ARHGEF3: variants seen among roughly 807,000 people sequenced by gnomAD.
ARHGEF3 encodes the protein Rho guanine nucleotide exchange factor 3.
ARHGEF3 carries 28 observed loss-of-function variants against 63.2 expected under a neutral mutation model. The ratio of observed to expected loss-of-function variants is 0.44; its 90% confidence interval spans 0.33 to 0.61. The LOEUF (loss-of-function observed/expected upper bound fraction) is 0.61. Ranked by LOEUF, ARHGEF3 falls within the 20% of genes least tolerant of loss-of-function variation. ARHGEF3 has a pLI of 0.03. For synonymous variants in ARHGEF3, 266 were observed against 254.2 expected, an observed-to-expected ratio of 1.05 and a Z score of -0.44; for missense variants, 533 against 659.3, an observed-to-expected ratio of 0.81 and a Z score of 2.10.
chr3:56,915,592 C>T (rs538781568), intron 3 of ARHGEF3, among the ~76,000 whole-genome samples: 1 of 152,304 alleles, frequency 6.6e-6, no homozygotes, highest in Non-Finnish European at 1.5e-5. Context: ...CCTAACCATT[C>T]TTCAACCCAT....
intron 4 of ARHGEF3, among the ~76,000 whole-genome samples, chr3:56,851,514 A>G (rs548004911): frequency 6.6e-6 from 1 of 152,246 alleles, no homozygotes; most frequent in Non-Finnish European, 1.5e-5. Context: ...CAGCCTCCCA[A>G]GTAGCTGGGA....
At position 56,920,622 on chromosome 3, in the gene ARHGEF3, A is replaced by T. The variant is rs543188880; in HGVS notation, c.129+38201T>A. 2.0e-5 allele frequency among the ~76,000 whole-genome samples: 3 copies of T among 152,294 alleles called. No homozygotes were observed. In the South Asian group the frequency reaches 6.2e-4, roughly 32 times the overall value. The stretch of plus-strand genomic sequence containing the variant: ...ATCCTGGTTCCTTAATGTCTTTCTT[A>T]TTTGTACTTAACAAGCCAGAAATGT... On this transcript the variant is annotated intron_variant, in intron 3 of 12. Transcript: ENST00000338458.
In ARHGEF3 at chr3:57,011,231, C is replaced by G. The variant is rs141153395; in HGVS notation, c.62+23857G>C. ...TTGGCACAAGGAGGCAAAGTTAAACCGCCTGGAACTTACAGGAACATGATG... is the reference window on the plus strand; with the variant it reads ...TTGGCACAAGGAGGCAAAGTTAAACGGCCTGGAACTTACAGGAACATGATG... On this transcript the variant is annotated intron_variant, in intron 2 of 12. Transcript: ENST00000338458. 2.3e-4 allele frequency among the ~76,000 whole-genome samples: 35 copies of G among 152,228 alleles called. No individual in the cohort carries two copies. The East Asian group carries it at 6.4e-3, about 28-fold the overall frequency.
chr3:56,821,962 C>CGAGAAGAGAAGAGAAGAGAA (rs11278622), intron 4 of ARHGEF3, among the ~76,000 whole-genome samples: 2,111 of 118,866 alleles, frequency 0.018, 34 homozygotes, highest in Admixed American at 0.027. Flanking sequence ...GACTCTGTCT[C>CGAGAAGAGAAGAGAAGAGAA]GAGAAGAGAA....
intron 3 of ARHGEF3, among the ~76,000 whole-genome samples, chr3:56,904,532 C>A (rs1261360230): frequency 2.0e-5 from 3 of 151,972 alleles, no homozygotes; most frequent in Non-Finnish European, 4.4e-5. Flanking sequence ...ATCTAATTAC[C>A]ATATTTTAAT....
chr3:56,905,832 A>G (rs2041667252), intron 3 of ARHGEF3, among the ~76,000 whole-genome samples: 1 of 152,220 alleles, frequency 6.6e-6, no homozygotes, highest in Admixed American at 6.5e-5. Context: ...GTGCTGTCCA[A>G]TACGGGAGCC....
chr3:56,882,085 CAACTT>C (rs2040785112), intron 4 of ARHGEF3, among the ~76,000 whole-genome samples: 1 of 152,206 alleles, frequency 6.6e-6, no homozygotes, highest in South Asian at 2.1e-4. Flanking sequence ...AGGCAATAAA[CAACTT>C]AGCTTGGAAG....
intron 1 of ARHGEF3, among the ~76,000 whole-genome samples, chr3:57,065,485 T>C (rs1332618066): frequency 6.6e-6 from 1 of 151,960 alleles, no homozygotes; most frequent in Non-Finnish European, 1.5e-5. Context: ...AGAAATTACT[T>C]GCAAAAGAAA....
intron 4 of ARHGEF3, among the ~76,000 whole-genome samples, chr3:56,864,396 C>A (rs1257951382): frequency 6.6e-6 from 1 of 152,226 alleles, no homozygotes; most frequent in African/African-American, 2.4e-5. Context: ...CTGGTTAACA[C>A]CTTACCTTCT....
intron 2 of ARHGEF3, among the ~76,000 whole-genome samples, chr3:56,995,733 T>A (rs927011186): frequency 8.1e-5 from 12 of 148,164 alleles, no homozygotes; most frequent in African/African-American, 3.0e-4. Flanking sequence ...AAAATGTAAG[T>A]TGAATAGAGA....
intron 2 of ARHGEF3, among the ~76,000 whole-genome samples, chr3:57,033,730 C>CTATT (rs1378755381): frequency 6.6e-6 from 1 of 151,994 alleles, no homozygotes; most frequent in Admixed American, 6.6e-5. Flanking sequence ...CAAGGAAAAT[C>CTATT]TATTTATTTA....
intron 4 of ARHGEF3, among the ~76,000 whole-genome samples, chr3:56,876,905 C>T (rs1283619763): frequency 6.6e-6 from 1 of 152,170 alleles, no homozygotes; most frequent in Non-Finnish European, 1.5e-5. Flanking sequence ...AGTAAATGTC[C>T]CATCTCAAGT....
intron 3 of ARHGEF3, among the ~76,000 whole-genome samples, chr3:56,943,022 A>G (rs1463573525): frequency 1.3e-5 from 2 of 152,238 alleles, no homozygotes; most frequent in African/African-American, 4.8e-5. Context: ...TTCATAACAT[A>G]AAAGTGCAAG....
At chr3:56,959,412 T>A (rs1700183490) in intron 2 of ARHGEF3, among the ~76,000 whole-genome samples, 1 of 152,138 alleles carries the variant, frequency 6.6e-6, no homozygotes, top group Non-Finnish European at 1.5e-5. Flanking sequence ...TCAACATGAA[T>A]CAATTTCCTT....
At chr3:56,760,764 G>C (rs747875582) in intron 2 of ARHGEF3, among the ~76,000 whole-genome samples, 2 of 151,856 alleles carry the variant, frequency 1.3e-5, no homozygotes, top group Non-Finnish European at 2.9e-5. Flanking sequence ...GTTTCAATGA[G>C]ATGGGATCCA....
intron 1 of ARHGEF3, among the ~76,000 whole-genome samples, chr3:56,792,103 CA>C (rs1553755406): frequency 0.011 from 1,032 of 91,298 alleles, 12 homozygotes; most frequent in African/African-American, 0.039. Context: ...GACTCTGTCT[CA>C]AAAAAAAAAA....
chr3:56,920,478 A>C (rs1328246535), intron 3 of ARHGEF3, among the ~76,000 whole-genome samples: 3 of 152,222 alleles, frequency 2.0e-5, no homozygotes, highest in Middle Eastern at 3.2e-3. Context: ...TATTATAAGG[A>C]ACATACTCGT....
chr3:57,073,602 G>C, intron 1 of ARHGEF3: 2 of 1,479,298 alleles, frequency 1.4e-6, no homozygotes, highest in Non-Finnish European at 1.8e-6. Flanking sequence ...CTCAGAGCCA[G>C]GTTGCAAGAG....
At chr3:56,807,992 C>T (rs1046094018) in intron 4 of ARHGEF3, among the ~76,000 whole-genome samples, 7 of 151,864 alleles carry the variant, frequency 4.6e-5, no homozygotes, top group Non-Finnish European at 8.8e-5. Flanking sequence ...GGCATGGTGG[C>T]GGGTGCCTGT....
Sources: allele counts gnomAD v4.1 joint callset (sites outside exome capture counted in the v4.1 genomes callset), GRCh38; gene constraint gnomAD v4.1.1; transcripts MANE v1.5; gene names NCBI Gene and HGNC (gene_info 2026-07-23, HGNC 2026-07-21).